The following SSUH2 variants were observed in gnomAD, a reference collection of about 807,000 sequenced individuals.
SSUH2 encodes protein SSUH2 homolog.
In SSUH2, 47 loss-of-function variants were observed where a neutral mutation model predicts 55.3. That is an observed-to-expected ratio of 0.85 (90% confidence interval 0.67 to 1.08). The LOEUF is 1.08. Among genes scored for constraint, SSUH2 ranks in the 50% least tolerant of loss-of-function variants. The probability of loss-of-function intolerance (pLI) is 0.00; values close to 1 mark genes in which losing one functional copy is unlikely to be tolerated. For synonymous variants in SSUH2, 212 were observed against 191.5 expected (o/e 1.11, Z -0.89); for missense variants, 535 against 490.7 (o/e 1.09, Z -0.85).
intron 1 of SSUH2, among the ~76,000 whole-genome samples, chr3:8,681,380 T>C (rs975105881): frequency 2.0e-5 from 3 of 146,510 alleles, no homozygotes; most frequent in African/African-American, 7.6e-5. Flanking sequence ...CCCCTGGCTC[T>C]GAGGACACCC....
intron 6 of SSUH2, chr3:8,659,568 C>T (rs1323734579): frequency 9.2e-6 from 3 of 326,006 alleles, no homozygotes; most frequent in Middle Eastern, 8.3e-4. Flanking sequence ...TTCCCAAGTC[C>T]ATATCATGTC....
rs538425184 is a variant in SSUH2 at position 8,678,141 on chromosome 3, A to T, written c.-900-788T>A. Among the ~76,000 whole-genome samples, 19 of 152,142 alleles carry T rather than the reference A, an allele frequency of 1.2e-4. 1 individual carries two copies. The highest frequency in any genetic ancestry group is 3.9e-4 in the East Asian group (2 of 5,158). On this transcript the variant is annotated intron_variant, in intron 2 of 18. Coordinates refer to the SSUH2 transcript ENST00000317371. The stretch of plus-strand genomic sequence containing the variant: ...ATCTTCTTCCCTCCAGGATCGTGGG[A>T]ACAACATCCCTGGGGGTTTCCACTT...
chr3:8,623,179 G>A (rs1284106726), intron 11 of SSUH2, among the ~76,000 whole-genome samples: 1 of 152,216 alleles, frequency 6.6e-6, no homozygotes, highest in Non-Finnish European at 1.5e-5. Context: ...GGGGCCTCAG[G>A]GGCAAGACAC....
chr3:8,619,629 T>A lies in SSUH2; in HGVS notation c.*239A>T, dbSNP rs1696020008. The A allele has an allele frequency of 2.6e-6, 1 of 390,050 alleles. No individual in the cohort carries two copies. The highest frequency in any genetic ancestry group is 4.0e-5 in the East Asian group (1 of 24,844). The allele number at this position is 390,050 out of a possible 1,614,324, so 24.2% of individuals were successfully genotyped here. On this transcript the variant is annotated 3_prime_UTR_variant, in exon 12 of 12. Transcript: ENST00000544814. Reference sequence around the variant, plus strand: ...TGCCATTTAAATTATTTCTCTCATTTGTTCTACAGGAATGTGTATAGCTGA... The same window carrying A: ...TGCCATTTAAATTATTTCTCTCATTAGTTCTACAGGAATGTGTATAGCTGA...
chr3:8,624,330 C>G (rs1217581735), intron 10 of SSUH2, among the ~76,000 whole-genome samples: 4 of 152,192 alleles, frequency 2.6e-5, no homozygotes, highest in Non-Finnish European at 5.9e-5. Context: ...GTGGTCAGAG[C>G]TCAGCACCAG....
chr3:8,630,501 A>T (rs114586203), intron 6 of SSUH2, among the ~76,000 whole-genome samples: 4,663 of 152,308 alleles, frequency 0.031, 87 homozygotes, highest in Middle Eastern at 0.11. Flanking sequence ...ATAAATTTTT[A>T]AAAAAGATGA....
At chr3:8,653,551 G>C (rs562387900) in intron 7 of SSUH2, among the ~76,000 whole-genome samples, 2 of 152,246 alleles carry the variant, frequency 1.3e-5, no homozygotes, top group Non-Finnish European at 2.9e-5. Flanking sequence ...GTTTTACCTT[G>C]TTCATTTTAT....
At chr3:8,648,768 A>G (rs1266585159), upstream of SSUH2, among the ~76,000 whole-genome samples, 1 of 152,088 alleles carries the variant, frequency 6.6e-6, no homozygotes, top group Non-Finnish European at 1.5e-5. Flanking sequence ...GATTAAACAC[A>G]ACACAAAACT....
At chr3:8,646,883 G>A (rs537735082), upstream of SSUH2, among the ~76,000 whole-genome samples, 16 of 152,208 alleles carry the variant, frequency 1.1e-4, 1 homozygote, top group Admixed American at 1.3e-4. Context: ...GCTGTTGATG[G>A]AAATGAGTGG....
intron 3 of SSUH2, among the ~76,000 whole-genome samples, chr3:8,672,244 G>A (rs770617147): frequency 1.2e-4 from 18 of 151,906 alleles, no homozygotes; most frequent in Non-Finnish European, 2.4e-4. Context: ...ATTGGGAGTA[G>A]GGTCATCCTC....
At chr3:8,632,504 C>T (rs1367419596) in intron 4 of SSUH2, among the ~76,000 whole-genome samples, 1 of 152,218 alleles carries the variant, frequency 6.6e-6, no homozygotes, top group Non-Finnish European at 1.5e-5. Flanking sequence ...TCTTGATCTT[C>T]ATCCATAGGG....
At chr3:8,660,917 T>C (rs902531871) in intron 6 of SSUH2, among the ~76,000 whole-genome samples, 8 of 152,248 alleles carry the variant, frequency 5.3e-5, no homozygotes, top group African/African-American at 1.9e-4. Flanking sequence ...AACACACTCA[T>C]CTCTCACTGG....
intron 4 of SSUH2, among the ~76,000 whole-genome samples, chr3:8,633,449 C>A (rs1422533798): frequency 1.3e-5 from 2 of 152,198 alleles, no homozygotes; most frequent in African/African-American, 2.4e-5. Context: ...CATGAGCCGC[C>A]GCACCCGGCC....
At chr3:8,623,212 C>T (rs777440650) in intron 11 of SSUH2, among the ~76,000 whole-genome samples, 7 of 152,236 alleles carry the variant, frequency 4.6e-5, no homozygotes, top group Non-Finnish European at 8.8e-5. Context: ...AGGCCTGTGA[C>T]GTTCAATCCC....
chr3:8,646,346 C>G (rs1701679253), upstream of SSUH2, among the ~76,000 whole-genome samples: 1 of 152,166 alleles, frequency 6.6e-6, no homozygotes, highest in African/African-American at 2.4e-5. Flanking sequence ...GCAATATATG[C>G]TTACCTAAAA....
At position 8,625,580 on chromosome 3, in the gene SSUH2, C is replaced by T; in HGVS notation, c.835G>A (p.Ala279Thr). The T allele has an allele frequency of 2.5e-6, 4 of 1,613,986 alleles. No homozygotes were observed. The highest frequency in any genetic ancestry group is 1.1e-5 in the South Asian group (1 of 91,056). The change falls in exon 10 of 12, where the codon GCC becomes ACC. Residue 279 changes from alanine to threonine, a missense_variant. By Grantham distance (58) the Ala-to-Thr change is moderately conservative. Coordinates refer to ENST00000544814, the MANE Select transcript of SSUH2 (RefSeq NM_001256748.3). ...TCCTTAAAGAGGTTTTCTCCTTTGG[C>T]TTTAGCAAGGAGCTCCCTGGGGCAG... Reference protein sequence around the residue: ...LNCPRELLAKAKGENLFKDEN... With the variant: ...LNCPRELLAKTKGENLFKDEN...
chr3:8,622,336 T>C (rs1369280914), intron 11 of SSUH2, among the ~76,000 whole-genome samples: 2 of 152,222 alleles, frequency 1.3e-5, no homozygotes, highest in African/African-American at 4.8e-5. Context: ...GGAATGGCTG[T>C]ATTGGCAGAG....
At chr3:8,674,216 A>G (rs747465212) in intron 3 of SSUH2, among the ~76,000 whole-genome samples, 26 of 152,236 alleles carry the variant, frequency 1.7e-4, no homozygotes, top group Non-Finnish European at 2.8e-4. Flanking sequence ...CAAAGAAGCA[A>G]GGGAAGGGGG....
Position 8,635,798 on chromosome 3 carries a change from C to T in SSUH2, c.88G>A (p.Glu30Lys), listed in dbSNP as rs1699831471. The T allele has an allele frequency of 6.5e-7, 1 of 1,535,978 alleles. No individual in the cohort carries two copies. Among genetic ancestry groups the T allele is most frequent in the African/African-American group, 1.4e-5 (1 of 73,050 alleles). ...AGCCAGTCATAGCTGGGCAGTCTCTCCAGGAGCTCTGTGGGGGGCGCCAGA... is the reference window on the plus strand; with the variant it reads ...AGCCAGTCATAGCTGGGCAGTCTCTTCAGGAGCTCTGTGGGGGGCGCCAGA... ...SPLAPPTELL[E>K]RLPSYDWLLQ... Residue 30 changes from glutamate (E) to lysine (K), a missense_variant, in exon 2 of 12, where the codon GAG becomes AAG. Coordinates refer to ENST00000544814, the MANE Select transcript of SSUH2 (RefSeq NM_001256748.3).
Sources: allele counts gnomAD v4.1 joint callset (sites outside exome capture counted in the v4.1 genomes callset), GRCh38; gene constraint gnomAD v4.1.1; transcripts MANE v1.5; gene names NCBI Gene and HGNC (gene_info 2026-07-23, HGNC 2026-07-21).